EPHA6: variants seen among roughly 807,000 people sequenced by gnomAD.
EPHA6 encodes ephrin type-A receptor 6.
A neutral mutation model predicts 112.0 loss-of-function variants in EPHA6; 50 were observed. The ratio of observed to expected loss-of-function variants is 0.45; its 90% confidence interval spans 0.36 to 0.56. The LOEUF is 0.56. Ranked by LOEUF, EPHA6 falls within the 20% of genes least tolerant of loss-of-function variation. EPHA6 has a pLI of 0.00. For missense variants in EPHA6, 1,280 were observed against 1,417.4 expected (o/e 0.90, Z 1.56); for synonymous variants, 529 against 490.7 (o/e 1.08, Z -1.03).
chr3:97,497,093 C>T (rs773688107), intron 10 of EPHA6, among the ~76,000 whole-genome samples: 1 of 152,154 alleles, frequency 6.6e-6, no homozygotes, highest in Non-Finnish European at 1.5e-5. Flanking sequence ...GTATGTTCTC[C>T]TAACATGGAA....
chr3:97,281,231 G>A (rs970506035), intron 5 of EPHA6, among the ~76,000 whole-genome samples: 20 of 107,872 alleles, frequency 1.9e-4, no homozygotes, highest in South Asian at 4.9e-4. Context: ...GTGTGTGTGC[G>A]CGCGTGTGTG....
In EPHA6 at chr3:97,246,398, T is replaced by G. The variant is rs1208462779; in HGVS notation, c.1606+2111T>G. ...AAAGAGTATATTTAGTTCATGTCTCTGCTTATCAAAAGGATAAAATATAAG... is the reference window on the plus strand; with the variant it reads ...AAAGAGTATATTTAGTTCATGTCTCGGCTTATCAAAAGGATAAAATATAAG... On this transcript the variant is annotated intron_variant, in intron 5 of 17. Transcript: ENST00000389672. Among the ~76,000 whole-genome samples the G allele has an allele frequency of 2.0e-5, 3 of 151,864 alleles. No homozygotes were observed. The East Asian group carries it at 5.8e-4, about 29-fold the overall frequency.
intron 3 of EPHA6, among the ~76,000 whole-genome samples, chr3:97,132,404 G>A (rs1004316830): frequency 2.0e-5 from 3 of 151,928 alleles, no homozygotes; most frequent in Admixed American, 6.6e-5. Context: ...ACTTACGGGA[G>A]GTGAAAAACT....
chr3:97,197,760 T>C (rs955989375), intron 3 of EPHA6, among the ~76,000 whole-genome samples: 2 of 152,026 alleles, frequency 1.3e-5, no homozygotes, highest in African/African-American at 4.8e-5. Context: ...GAAATTGCAG[T>C]CCTTGTGGTG....
intron 13 of EPHA6, among the ~76,000 whole-genome samples, chr3:97,634,489 T>C (rs1299940083): frequency 6.6e-6 from 1 of 151,996 alleles, no homozygotes; most frequent in Non-Finnish European, 1.5e-5. Flanking sequence ...TGGGGTTCCC[T>C]GGGAAAGATT....
intron 3 of EPHA6, among the ~76,000 whole-genome samples, chr3:97,160,506 C>T (rs2076390143): frequency 6.6e-6 from 1 of 151,988 alleles, no homozygotes; most frequent in Non-Finnish European, 1.5e-5. Context: ...TTTCGAACTC[C>T]TGACCTCAAG....
At position 97,716,340 on chromosome 3, in the gene EPHA6, G is replaced by A. The variant is rs541309806; in HGVS notation, c.2785-3921G>A. Reference sequence around the variant, plus strand: ...TCCCAGCACTTTGGGAGGCCGAGGCGGGTGGATCATGAGGTCAGGAGATCG... The same window carrying A: ...TCCCAGCACTTTGGGAGGCCGAGGCAGGTGGATCATGAGGTCAGGAGATCG... On this transcript the variant is annotated intron_variant, in intron 14 of 17. Coordinates refer to ENST00000389672, the MANE Select transcript of EPHA6 (RefSeq NM_001080448.3). Among the ~76,000 whole-genome samples the A allele has an allele frequency of 3.5e-4, 43 of 124,328 alleles. 2 individuals carry two copies. The highest frequency in any genetic ancestry group is 2.0e-3 in the Admixed American group (27 of 13,632). 81.6% of individuals were successfully genotyped at this position (124,328 alleles called of 152,430 possible).
At chr3:96,916,573 G>T (rs984718633) in intron 2 of EPHA6, among the ~76,000 whole-genome samples, 7 of 152,136 alleles carry the variant, frequency 4.6e-5, no homozygotes, top group African/African-American at 1.7e-4. Flanking sequence ...GTTTTGAAGA[G>T]ACTCATAGAA....
intron 5 of EPHA6, among the ~76,000 whole-genome samples, chr3:97,401,016 T>C (rs1265188412): frequency 6.6e-6 from 1 of 151,810 alleles, no homozygotes; most frequent in Non-Finnish European, 1.5e-5. Flanking sequence ...GGAAAATCTT[T>C]CAACTTTTCC....
intron 12 of EPHA6, among the ~76,000 whole-genome samples, chr3:97,600,500 C>T (rs1337303949): frequency 6.6e-6 from 1 of 151,914 alleles, no homozygotes; most frequent in Admixed American, 6.6e-5. Context: ...TTGTCAAAGG[C>T]TTTTTCTGCT....
intron 3 of EPHA6, among the ~76,000 whole-genome samples, chr3:97,168,200 T>C (rs975521978): frequency 2.0e-5 from 3 of 152,228 alleles, no homozygotes; most frequent in African/African-American, 7.2e-5. Context: ...TTTTTTACTG[T>C]GACTGAAAAT....
chr3:96,950,175 T>G (rs2041465225), intron 2 of EPHA6, among the ~76,000 whole-genome samples: 1 of 151,872 alleles, frequency 6.6e-6, no homozygotes, highest in African/African-American at 2.4e-5. Flanking sequence ...CTTTCCCCAT[T>G]AGTCTAATGT....
intron 2 of EPHA6, among the ~76,000 whole-genome samples, chr3:96,873,609 C>A (rs1298799885): frequency 6.6e-6 from 1 of 152,074 alleles, no homozygotes; most frequent in African/African-American, 2.4e-5. Flanking sequence ...TAGCAATTGG[C>A]TTTATTTTCT....
intron 3 of EPHA6, among the ~76,000 whole-genome samples, chr3:97,070,744 CA>C (rs2046324623): frequency 6.6e-6 from 1 of 152,044 alleles, no homozygotes. Context: ...TGTAGGAAAA[CA>C]GGTGTTCTAG....
chr3:97,057,619 G>A (rs938856892), intron 3 of EPHA6, among the ~76,000 whole-genome samples: 1 of 152,116 alleles, frequency 6.6e-6, no homozygotes, highest in Non-Finnish European at 1.5e-5. Context: ...CAGGAGAGTT[G>A]TCTTATTGAG....
At chr3:96,941,614 C>A (rs1206688549) in intron 2 of EPHA6, among the ~76,000 whole-genome samples, 3 of 151,942 alleles carry the variant, frequency 2.0e-5, no homozygotes, top group Non-Finnish European at 4.4e-5. Flanking sequence ...AGTCATTCTC[C>A]GTCCAGCTTT....
chr3:97,439,604 C>G (rs1178423492), intron 6 of EPHA6: 1 of 1,005,484 alleles, frequency 9.9e-7, no homozygotes, highest in Non-Finnish European at 1.2e-6. Context: ...ATGGAGAATC[C>G]AAGGCAGAGT....
At chr3:96,830,642 A>G (rs894786384) in intron 1 of EPHA6, among the ~76,000 whole-genome samples, 4 of 152,102 alleles carry the variant, frequency 2.6e-5, no homozygotes, top group African/African-American at 7.2e-5. Flanking sequence ...ATTAAAATGT[A>G]AATATATTAC....
chr3:97,030,351 A>G (rs1302696150), intron 3 of EPHA6, among the ~76,000 whole-genome samples: 2 of 152,046 alleles, frequency 1.3e-5, no homozygotes, highest in African/African-American at 4.8e-5. Context: ...TCTCTGAGAA[A>G]GGCCATCTTT....
Sources: gnomAD v4.1 joint callset for allele counts (sites outside exome capture counted in the v4.1 genomes callset) on GRCh38, gnomAD v4.1.1 for gene constraint, MANE v1.5 for transcripts, NCBI Gene and HGNC (gene_info 2026-07-23, HGNC 2026-07-21) for gene names.